Variants in USP31 observed in about 807,000 individuals in gnomAD.
The protein encoded by USP31 is ubiquitin specific peptidase 31, also known as ubiquitin carboxyl-terminal hydrolase 31.
Under a neutral mutation model 119.4 loss-of-function variants are expected in USP31, and 44 were observed. That is an observed-to-expected ratio of 0.37 (90% CI 0.29 to 0.47). The LOEUF (loss-of-function observed/expected upper bound fraction) is 0.47. Among genes scored for constraint, USP31 ranks in the 20% least tolerant of loss-of-function variants. USP31 has a pLI of 0.99. For missense variants in USP31, 1,643 were observed against 1,730.2 expected, an observed-to-expected ratio of 0.95 and a Z score of 0.89; for synonymous variants, 749 against 705.6, an observed-to-expected ratio of 1.06 and a Z score of -0.97.
At chr16:23,143,783 G>T (rs1458258760) in intron 1 of USP31, among the ~76,000 whole-genome samples, 5 of 152,056 alleles carry the variant, frequency 3.3e-5, no homozygotes, top group Non-Finnish European at 2.9e-5. Flanking sequence ...GTGACATTTA[G>T]CAGCATCCCT....
chr16:23,076,740 G>A (rs142857903), intron 13 of USP31, among the ~76,000 whole-genome samples: 97 of 152,280 alleles, frequency 6.4e-4, no homozygotes, highest in Middle Eastern at 3.4e-3. Flanking sequence ...TATGTAACAA[G>A]CCAGTCCATA....
chr16:23,130,497 G>A (rs913563582), intron 1 of USP31, among the ~76,000 whole-genome samples: 8 of 151,976 alleles, frequency 5.3e-5, no homozygotes, highest in African/African-American at 9.7e-5. Context: ...TAGCAACAGC[G>A]GAGGGGCTAG....
At chr16:23,102,567 T>A (rs1178998933) in intron 5 of USP31, 104 bp from the exon 6 acceptor site, 9 of 1,346,450 alleles carry the variant, frequency 6.7e-6, no homozygotes, top group South Asian at 4.7e-5. Flanking sequence ...GGCAGTGGTC[T>A]GAGAGACATC....
intron 11 of USP31, among the ~76,000 whole-genome samples, chr16:23,083,223 C>A (rs1900917571): frequency 6.6e-6 from 1 of 152,184 alleles, no homozygotes; most frequent in African/African-American, 2.4e-5. Flanking sequence ...GGAGCATATA[C>A]TGTCTCAATT....
Position 23,148,624 on chromosome 16 carries a change from G to A in USP31, c.633+14C>T. 10 of 1,457,390 alleles carry A rather than the reference G, an allele frequency of 6.9e-6. No individual in the cohort carries two copies. The highest frequency in any genetic ancestry group is 1.4e-5 in the South Asian group (1 of 72,826). 90.3% of individuals were successfully genotyped at this position (1,457,390 alleles called of 1,614,324 possible). A position where few individuals can be genotyped will look rare whatever the true frequency, so the allele number is the denominator to read the frequency against. ...CTCGGGGTGCAGTGGGGGCGCGGCG[G>A]CGCGCGGGCTCACCTTGAAGTCGCG... On this transcript the variant is annotated intron_variant, in intron 1 of 15. Coordinates refer to ENST00000219689, the MANE Select transcript of USP31 (RefSeq NM_020718.4).
rs756133364 is a variant in USP31, at chr16:23,068,142, G to A, written c.3963C>T (p.Pro1321=). The A allele has an allele frequency of 6.2e-7, 1 of 1,614,092 alleles. No homozygotes were observed. Reference sequence around the variant, plus strand: ...CAGACTGCCTGCCACCCGGAGACGAGGGAACTCCAGAGTCTAGTTGGGAAG... The same window carrying A: ...CAGACTGCCTGCCACCCGGAGACGAAGGAACTCCAGAGTCTAGTTGGGAAG... ...SKSSQLDSGV[P]SSPGGRQSAE... is the part of the protein sequence containing the mutation. The change falls in exon 16 of 16, where the codon CCC becomes CCT. Residue 1321 remains proline, a synonymous_variant. Transcript: ENST00000219689.
At chr16:23,080,610 C>A (rs996241013) in intron 12 of USP31, among the ~76,000 whole-genome samples, 2 of 152,194 alleles carry the variant, frequency 1.3e-5, no homozygotes, top group African/African-American at 2.4e-5. Context: ...CCACATCCTC[C>A]AACAGGCACA....
At position 23,073,807 on chromosome 16, in the gene USP31, A is replaced by G. The variant is rs767196215; in HGVS notation, c.2250T>C (p.Asp750=). ...DDSDVQQLSE[D]EVCTQTAYIL... is the part of the protein sequence containing the mutation. The stretch of plus-strand genomic sequence containing the variant: ...TGTATGCTGTCTGCGTGCAGACCTC[A>G]TCTTCTGACAGCTGCTGCACATCGC... The change falls in exon 14 of 16, where the codon GAT becomes GAC. Residue 750 remains aspartate, a synonymous_variant. Transcript: ENST00000219689. 1 of 1,614,100 alleles carries G rather than the reference A, an allele frequency of 6.2e-7. No homozygotes were observed. The highest frequency in any genetic ancestry group is 1.1e-5 in the South Asian group (1 of 91,072).
intron 11 of USP31, 150 bp from the exon 12 acceptor site, chr16:23,082,707 T>C (rs9935118): frequency 0.29 from 307,899 of 1,055,738 alleles, 47,747 homozygotes; most frequent in Admixed American, 0.38. Flanking sequence ...CAATCAAAAG[T>C]AGCCAGAGCT....
At chr16:23,119,094 CTTCT>C (rs1251303451) in intron 1 of USP31, among the ~76,000 whole-genome samples, 3 of 148,574 alleles carry the variant, frequency 2.0e-5, no homozygotes, top group South Asian at 2.2e-4. Context: ...AGTTATCACT[CTTCT>C]TTTTTTCTTT....
intron 2 of USP31, 64 bp from the exon 3 acceptor site, chr16:23,106,551 C>T: frequency 6.9e-7 from 1 of 1,459,778 alleles, no homozygotes; most frequent in Non-Finnish European, 9.3e-7. Flanking sequence ...GAAGATGAAG[C>T]TAGAGAATCA....
intron 1 of USP31, among the ~76,000 whole-genome samples, chr16:23,129,178 T>C (rs1302695696): frequency 1.3e-5 from 2 of 152,216 alleles, no homozygotes; most frequent in Non-Finnish European, 2.9e-5. Flanking sequence ...AGCTCTGCTC[T>C]ACTAGACAAA....
chr16:23,102,218 T>TA (rs989005222), intron 6 of USP31, 101 bp downstream of exon 6: 323 of 1,229,566 alleles, frequency 2.6e-4, no homozygotes, highest in African/African-American at 1.0e-3. Flanking sequence ...TACCACAATT[T>TA]AAAAAAAAAT....
At position 23,063,674 on chromosome 16, in the gene USP31, T is replaced by C. The variant is rs1899943580; in HGVS notation, c.*4372A>G. The C allele has an allele frequency of 6.6e-6, 1 of 151,230 alleles. No homozygotes were observed. The highest frequency in any genetic ancestry group is 2.4e-5 in the African/African-American group (1 of 41,184). The allele number at this position is 151,230 out of a possible 1,614,324, so 9.4% of individuals were successfully genotyped here. On this transcript the variant is annotated 3_prime_UTR_variant, in exon 16 of 16. Coordinates refer to ENST00000219689, the MANE Select transcript of USP31 (RefSeq NM_020718.4). The stretch of plus-strand genomic sequence containing the variant: ...ATCGCATTCATGCTCTTCTACACAA[T>C]GATGAGTAAGCCATATTTTGAAAAT...
intron 9 of USP31, 40 bp downstream of exon 9, chr16:23,087,052 T>G: frequency 1.2e-4 from 174 of 1,455,610 alleles, no homozygotes; most frequent in Middle Eastern, 1.7e-4. Context: ...TGAATATGTG[T>G]GAGATTCTAA....
Position 23,069,329 on chromosome 16 carries a change from T to C in USP31, c.2776A>G (p.Ser926Gly), listed in dbSNP as rs1174143464. ...RNLSSSYQEP[S>G]DSHSRREHKA... ...TGCTCACGGCGACTATGACTGTCGC[T>C]TGGTTCCTGGTAACTGCTAGAAAGG... Residue 926 changes from serine (S) to glycine (G), a missense_variant, in exon 16 of 16, where the codon AGC (serine) becomes GGC (glycine). Transcript: ENST00000219689. 6.2e-7 allele frequency: 1 copy of C among 1,603,324 alleles called. No homozygotes were observed. Among genetic ancestry groups the C allele is most frequent in the Admixed American group, 1.7e-5 (1 of 59,378 alleles).
At position 23,082,829 on chromosome 16, in the gene USP31, C is replaced by CTTTTTTTTTTTTTT. The variant is rs1388989158; in HGVS notation, c.1831-273_1831-272insAAAAAAAAAAAAAA. Among the ~76,000 whole-genome samples the CTTTTTTTTTTTTTT allele has an allele frequency of 8.6e-5, 10 of 116,404 alleles. No homozygotes were observed. In the South Asian group the frequency reaches 1.1e-3, roughly 13 times the overall value. The allele number at this position is 116,404 out of a possible 152,430, so 76.4% of individuals were successfully genotyped here. A position where few individuals can be genotyped will look rare whatever the true frequency, so the allele number is the denominator to read the frequency against. On this transcript the variant is annotated intron_variant, in intron 11 of 15. Coordinates refer to ENST00000219689, the MANE Select transcript of USP31 (RefSeq NM_020718.4). ...GTTAAATATGTTACTTTCTTTCTCTCTCTTTTTTTTTTTTTTTTTGAAACA... is the reference window on the plus strand; with the variant it reads ...GTTAAATATGTTACTTTCTTTCTCTCTTTTTTTTTTTTTTTCTTTTTTTTTTTTTTTTTGAAACA...
At chr16:23,119,838 A>C (rs1902610028) in intron 1 of USP31, among the ~76,000 whole-genome samples, 1 of 152,210 alleles carries the variant, frequency 6.6e-6, no homozygotes, top group African/African-American at 2.4e-5. Flanking sequence ...CAAACACACC[A>C]GAGACAAAGA....
chr16:23,066,754 T>G lies in USP31; in HGVS notation c.*1292A>C, dbSNP rs1900089944. ...CTATATACTTTGCTTATCTGTGAGGTTTTTTTTGGTGAGGTTCTCCTTTGT... is the reference window on the plus strand; with the variant it reads ...CTATATACTTTGCTTATCTGTGAGGGTTTTTTTGGTGAGGTTCTCCTTTGT... On this transcript the variant is annotated 3_prime_UTR_variant, in exon 16 of 16. Coordinates refer to ENST00000219689, the MANE Select transcript of USP31 (RefSeq NM_020718.4). 6.6e-6 allele frequency: 1 copy of G among 151,738 alleles called. No individual in the cohort carries two copies. The highest frequency in any genetic ancestry group is 1.5e-5 in the Non-Finnish European group (1 of 67,924). 9.4% of individuals were successfully genotyped at this position (151,738 alleles called of 1,614,324 possible).
Sources: gnomAD v4.1 joint callset for allele counts (sites outside exome capture counted in the v4.1 genomes callset) on GRCh38, gnomAD v4.1.1 for gene constraint, MANE v1.5 for transcripts, NCBI Gene and HGNC (gene_info 2026-07-23, HGNC 2026-07-21) for gene names.